The following LRRIQ3 variants were observed in gnomAD, a reference collection of about 807,000 sequenced individuals.
LRRIQ3 encodes the protein leucine-rich repeat and IQ domain-containing protein 3.
Under a neutral mutation model 59.3 loss-of-function variants are expected in LRRIQ3, and 75 were observed. The ratio of observed to expected loss-of-function variants is 1.26; its 90% CI spans 1.05 to 1.53. The LOEUF is 1.53. Among genes scored for constraint, LRRIQ3 ranks in the 40% most tolerant of loss-of-function variants. The probability of loss-of-function intolerance (pLI) is 0.00; values close to 1 mark genes in which losing one functional copy is unlikely to be tolerated. For synonymous variants in LRRIQ3, 250 were observed against 231.3 expected, an observed-to-expected ratio of 1.08 and a Z score of -0.73; for missense variants, 831 against 710.0, an observed-to-expected ratio of 1.17 and a Z score of -1.94.
In LRRIQ3 at chr1:74,059,519, T is replaced by C. The variant is rs1654638524; in HGVS notation, c.997+15142A>G. On this transcript the variant is annotated intron_variant, in intron 6 of 7. Coordinates refer to ENST00000354431, the MANE Select transcript of LRRIQ3 (RefSeq NM_001105659.2). ...CTATTCTTTCCTCAATAAATTATCT[T>C]GGCACACTTGTCAAAAAGTTGTATT... Among the ~76,000 whole-genome samples the C allele has an allele frequency of 2.6e-5, 4 of 152,218 alleles. No individual in the cohort carries two copies. In the South Asian group the frequency reaches 6.2e-4, roughly 24 times the overall value.
intron 6 of LRRIQ3, among the ~76,000 whole-genome samples, chr1:74,044,335 G>T (rs2100397046): frequency 6.6e-6 from 1 of 152,212 alleles, no homozygotes; most frequent in East Asian, 1.9e-4. Flanking sequence ...GACCCCTCAT[G>T]AGTGGCTTGG....
At chr1:74,085,468 C>CAG in intron 5 of LRRIQ3, among the ~76,000 whole-genome samples, 1 of 151,744 alleles carries the variant, frequency 6.6e-6, no homozygotes, top group African/African-American at 2.4e-5. Flanking sequence ...TGAATAACAT[C>CAG]AGAGAGAGAC....
chr1:74,149,008 T>C (rs2100653132), intron 4 of LRRIQ3, among the ~76,000 whole-genome samples: 1 of 147,436 alleles, frequency 6.8e-6, no homozygotes, highest in Admixed American at 6.9e-5. Context: ...GATTTTCTAA[T>C]GTTAAATTAA....
intron 7 of LRRIQ3, among the ~76,000 whole-genome samples, chr1:74,028,929 A>G (rs2100351206): frequency 6.6e-6 from 1 of 152,154 alleles, no homozygotes; most frequent in East Asian, 1.9e-4. Context: ...GGAATCTTGC[A>G]CATGTAATTA....
intron 7 of LRRIQ3, among the ~76,000 whole-genome samples, chr1:74,033,430 T>TG (rs753803453): frequency 1.3e-5 from 2 of 151,930 alleles, no homozygotes; most frequent in Non-Finnish European, 2.9e-5. Flanking sequence ...TCACCATATA[T>TG]TTGGAGGATA....
Position 74,182,777 on chromosome 1 carries a change from A to G in LRRIQ3, c.334T>C (p.Leu112=). The G allele has an allele frequency of 6.2e-7, 1 of 1,610,690 alleles. No individual in the cohort carries two copies. Among genetic ancestry groups the G allele is most frequent in the Non-Finnish European group, 8.5e-7 (1 of 1,177,942 alleles). ...GCAGATAATACACATATATTCTTTA[A>G]CTTTGCAAACCCATTGTCATGAAGA... ...LYLHDNGFAK[L]KNICVLSACP... Residue 112 remains leucine (L), a synonymous_variant, in exon 3 of 8, where the codon TTA becomes CTA. Transcript: ENST00000354431.
chr1:74,089,226 C>A (rs543442971), intron 5 of LRRIQ3, among the ~76,000 whole-genome samples: 51 of 152,128 alleles, frequency 3.4e-4, no homozygotes, highest in African/African-American at 1.2e-3. Flanking sequence ...CAAAATGGTA[C>A]AACTGCTATG....
chr1:74,177,238 A>G (rs751132763), intron 3 of LRRIQ3, among the ~76,000 whole-genome samples: 14 of 152,158 alleles, frequency 9.2e-5, no homozygotes, highest in South Asian at 4.1e-4. Context: ...GTAGGCTGGC[A>G]CTGGGGAAAT....
intron 4 of LRRIQ3, among the ~76,000 whole-genome samples, chr1:74,123,604 C>T (rs1017046460): frequency 6.6e-6 from 1 of 151,998 alleles, no homozygotes; most frequent in African/African-American, 2.4e-5. Flanking sequence ...ACTTCCAATT[C>T]CAGCCATGTT....
chr1:74,036,458 C>A (rs575204341), intron 7 of LRRIQ3, among the ~76,000 whole-genome samples: 333 of 152,192 alleles, frequency 2.2e-3, no homozygotes, highest in Non-Finnish European at 3.9e-3. Context: ...AAATAGTTGT[C>A]CCTGGGTCTT....
At chr1:74,134,575 T>G (rs1647088313) in intron 4 of LRRIQ3, among the ~76,000 whole-genome samples, 1 of 151,920 alleles carries the variant, frequency 6.6e-6, no homozygotes, top group African/African-American at 2.4e-5. Context: ...TGGGTTTAAA[T>G]TACCATATAT....
intron 7 of LRRIQ3, among the ~76,000 whole-genome samples, chr1:74,032,015 A>G (rs1653734360): frequency 6.6e-6 from 1 of 151,986 alleles, no homozygotes; most frequent in Admixed American, 6.6e-5. Flanking sequence ...ATATCATCTC[A>G]GAGATTATAA....
rs181505910 is a variant in LRRIQ3 at position 74,041,209 on chromosome 1, C to T, written c.1718+4G>A. On this transcript the variant is annotated splice_donor_region_variant and intron_variant, in intron 7 of 7. Transcript: ENST00000354431. Reference sequence around the variant, plus strand: ...TGCCTCTGTTATATCTAAATTGTACCTACCTAACTTTTTTCATTTCTTTAA... The same window carrying T: ...TGCCTCTGTTATATCTAAATTGTACTTACCTAACTTTTTTCATTTCTTTAA... 753 of 1,553,716 alleles carry T rather than the reference C, an allele frequency of 4.8e-4. 2 individuals are homozygous for T. The African/African-American group carries it at 9.1e-3, about 19-fold the overall frequency.
At chr1:74,122,459 T>C (rs578226144) in intron 4 of LRRIQ3, among the ~76,000 whole-genome samples, 43 of 152,198 alleles carry the variant, frequency 2.8e-4, no homozygotes, top group African/African-American at 1.0e-3. Flanking sequence ...TGGAGTTCCA[T>C]GGTACTGGTA....
At chr1:74,116,163 C>T (rs898392785) in intron 4 of LRRIQ3, among the ~76,000 whole-genome samples, 6 of 151,814 alleles carry the variant, frequency 4.0e-5, no homozygotes, top group Non-Finnish European at 5.9e-5. Flanking sequence ...GCAGAGTACC[C>T]AATATTAGAG....
At chr1:74,066,047 G>A (rs111755197) in intron 6 of LRRIQ3, among the ~76,000 whole-genome samples, 19 of 151,936 alleles carry the variant, frequency 1.3e-4, no homozygotes, top group African/African-American at 2.4e-4. Context: ...TTAGCTGGGC[G>A]TGCTGGTGCA....
chr1:74,145,644 C>T lies in LRRIQ3; in HGVS notation c.707+10089G>A, dbSNP rs138441750. 3.7e-3 allele frequency among the ~76,000 whole-genome samples: 569 copies of T among 152,112 alleles called. 6 individuals are homozygous for T. Among genetic ancestry groups the T allele is most frequent in the East Asian group, 0.028 (147 of 5,172 alleles). On this transcript the variant is annotated intron_variant, in intron 4 of 7. Coordinates refer to ENST00000354431, the MANE Select transcript of LRRIQ3 (RefSeq NM_001105659.2). ...GAAAAACATCACAAGTATACTAGGC[C>T]TACAATCCAAATTTGAAAAGAATTT... is the stretch of plus-strand genomic sequence containing the variant.
At chr1:74,118,666 A>G (rs1046875597) in intron 4 of LRRIQ3, among the ~76,000 whole-genome samples, 2 of 152,116 alleles carry the variant, frequency 1.3e-5, no homozygotes, top group African/African-American at 4.8e-5. Flanking sequence ...CTAGAAAAAT[A>G]GAACCAGTAG....
intron 6 of LRRIQ3, among the ~76,000 whole-genome samples, chr1:74,065,613 G>A (rs888594261): frequency 7.2e-5 from 11 of 152,114 alleles, no homozygotes; most frequent in Admixed American, 2.6e-4. Flanking sequence ...ATCATATATC[G>A]TTTAATCTGT....
Sources: gnomAD v4.1 joint callset for allele counts (sites outside exome capture counted in the v4.1 genomes callset) on GRCh38, gnomAD v4.1.1 for gene constraint, MANE v1.5 for transcripts, NCBI Gene and HGNC (gene_info 2026-07-23, HGNC 2026-07-21) for gene names.